Variants in GRIK4 observed in about 807,000 individuals in gnomAD.
The protein encoded by GRIK4 is glutamate ionotropic receptor kainate type subunit 4, also known as glutamate receptor ionotropic, kainate 4.
Under a neutral mutation model 104.9 loss-of-function variants are expected in GRIK4, and 40 were observed. That is an observed-to-expected ratio of 0.38 (90% CI 0.30 to 0.50). GRIK4 has a LOEUF of 0.50. Ranked by LOEUF, GRIK4 falls within the 20% of genes least tolerant of loss-of-function variation. GRIK4 has a pLI of 0.93. For missense variants in GRIK4, 1,047 were observed against 1,308.1 expected (o/e 0.80, Z 3.08); for synonymous variants, 485 against 524.9 (o/e 0.92, Z 1.04).
rs17124518 is a variant in GRIK4 at position 120,902,785 on chromosome 11, G to A, written c.1273-2505G>A. Among the ~76,000 whole-genome samples the A allele has an allele frequency of 0.017, 2,519 of 152,290 alleles. 80 individuals carry two copies. The highest frequency in any genetic ancestry group is 0.057 in the African/African-American group (2,375 of 41,530). On this transcript the variant is annotated intron_variant, in intron 12 of 20. Transcript: ENST00000527524. The surrounding 1 kb of genome is among the most constrained non-coding windows in gnomAD (Gnocchi z 4.5). ...GAGGCAGTGTGACTCTGCGGACAAA[G>A]ATGACTAGGTGAGGTGGAAGATGGG... is the stretch of plus-strand genomic sequence containing the variant.
At chr11:120,633,342 G>T (rs762378761) in intron 1 of GRIK4, among the ~76,000 whole-genome samples, 2 of 152,196 alleles carry the variant, frequency 1.3e-5, no homozygotes, top group Non-Finnish European at 2.9e-5. Flanking sequence ...AGGCCTTCTC[G>T]ATGGGGAGCG....
intron 3 of GRIK4, among the ~76,000 whole-genome samples, chr11:120,757,443 T>C (rs995702755): frequency 1.3e-5 from 2 of 152,036 alleles, no homozygotes; most frequent in African/African-American, 4.8e-5. Context: ...TGTCACACGG[T>C]GGGGTTGGGA....
chr11:120,896,978 A>T (rs1942599520), intron 11 of GRIK4, among the ~76,000 whole-genome samples: 1 of 152,152 alleles, frequency 6.6e-6, no homozygotes, highest in Non-Finnish European at 1.5e-5. Context: ...ATATATTGGG[A>T]TTTTATGTAT....
chr11:120,749,330 C>G (rs749242726), intron 3 of GRIK4, among the ~76,000 whole-genome samples: 25 of 152,200 alleles, frequency 1.6e-4, no homozygotes, highest in Non-Finnish European at 2.9e-4. Flanking sequence ...AAGCCCCCTC[C>G]TCTCTTCTGT....
chr11:120,744,216 G>A (rs1292989642), intron 3 of GRIK4, among the ~76,000 whole-genome samples: 2 of 152,186 alleles, frequency 1.3e-5, no homozygotes, highest in African/African-American at 4.8e-5. Context: ...GCTGTTGGGT[G>A]TCTGTTAAAG....
At chr11:120,579,260 G>C (rs1039734680) in intron 1 of GRIK4, among the ~76,000 whole-genome samples, 5 of 152,170 alleles carry the variant, frequency 3.3e-5, no homozygotes, top group Non-Finnish European at 5.9e-5. Context: ...TGAGGCGTGG[G>C]GGTGCGGAAT....
intron 3 of GRIK4, among the ~76,000 whole-genome samples, chr11:120,750,649 G>T (rs3132781): frequency 3.3e-5 from 5 of 152,048 alleles, no homozygotes; most frequent in Non-Finnish European, 7.4e-5. Context: ...GATTACAGGC[G>T]TGAGCTGCCA....
At chr11:120,894,916 A>T (rs1198010999) in intron 11 of GRIK4, 2 of 129,508 alleles carry the variant, frequency 1.5e-5, no homozygotes, top group Non-Finnish European at 3.1e-5. Context: ...CTGCAATTAG[A>T]TTGCACTGGG....
At chr11:120,660,508 T>C in intron 3 of GRIK4, 108 bp downstream of exon 3, 1 of 792,450 alleles carries the variant, frequency 1.3e-6, no homozygotes, top group Non-Finnish European at 2.1e-6. Context: ...GCCCGTGCAC[T>C]GTGCCCTCCC....
At chr11:120,840,480 T>C (rs1757985972) in intron 8 of GRIK4, among the ~76,000 whole-genome samples, 1 of 151,948 alleles carries the variant, frequency 6.6e-6, no homozygotes, top group African/African-American at 2.4e-5. Flanking sequence ...CTGGTTAAGG[T>C]GGGAGCTCTG....
intron 4 of GRIK4, among the ~76,000 whole-genome samples, chr11:120,808,280 G>A (rs1292475433): frequency 6.6e-6 from 1 of 152,178 alleles, no homozygotes; most frequent in Non-Finnish European, 1.5e-5. Context: ...GCCCTCCTCT[G>A]TAAAATGGGA....
intron 3 of GRIK4, among the ~76,000 whole-genome samples, chr11:120,667,201 C>G (rs1017615471): frequency 5.3e-5 from 8 of 152,224 alleles, no homozygotes; most frequent in Admixed American, 5.2e-4. Context: ...TCATTGTGTC[C>G]TCATTAATAA....
At chr11:120,890,504 A>G (rs756375743) in intron 11 of GRIK4, among the ~76,000 whole-genome samples, 20 of 152,202 alleles carry the variant, frequency 1.3e-4, no homozygotes, top group Non-Finnish European at 2.2e-4. Flanking sequence ...CTTAAGGTCA[A>G]GACAAGATAC....
Position 120,678,101 on chromosome 11 carries a change from AC to A in GRIK4, c.82+17705del, listed in dbSNP as rs566394095. On this transcript the variant is annotated intron_variant, in intron 3 of 20. Coordinates refer to ENST00000527524, the MANE Select transcript of GRIK4 (RefSeq NM_014619.5). ...CCCTGCTGTGCTCCCCTCTGCAGAGACCCCGAGGCCTCTGGGCAGTGCCTGT... is the reference window on the plus strand; with the variant it reads ...CCCTGCTGTGCTCCCCTCTGCAGAGACCCGAGGCCTCTGGGCAGTGCCTGT... 1.7e-3 allele frequency among the ~76,000 whole-genome samples: 258 copies of A among 152,202 alleles called. 1 individual carries two copies. The Middle Eastern group carries it at 0.02, about 12-fold the overall frequency.
intron 5 of GRIK4, among the ~76,000 whole-genome samples, 160 bp downstream of exon 5, chr11:120,815,635 C>G (rs1952936837): frequency 6.6e-6 from 1 of 152,056 alleles, no homozygotes; most frequent in Admixed American, 6.5e-5. Flanking sequence ...GTGGGCTTGC[C>G]CTGCTCCAGG....
chr11:120,575,765 A>G (rs1261121549), intron 1 of GRIK4: 1 of 152,086 alleles, frequency 6.6e-6, no homozygotes, highest in African/African-American at 2.4e-5. Flanking sequence ...AGCAGCAGAA[A>G]GCCCCCTGGT....
intron 3 of GRIK4, among the ~76,000 whole-genome samples, chr11:120,756,389 G>A (rs1951652086): frequency 6.6e-6 from 1 of 152,122 alleles, no homozygotes; most frequent in South Asian, 2.1e-4. Context: ...TTCTGATGGG[G>A]GTAAAATGTT....
chr11:120,568,042 G>C (rs1002231443), intron 1 of GRIK4, among the ~76,000 whole-genome samples: 9 of 152,188 alleles, frequency 5.9e-5, no homozygotes, highest in Non-Finnish European at 1.3e-4. Flanking sequence ...GCTGGGCATG[G>C]TGGTGCCTGC....
At chr11:120,962,818 C>T in intron 18 of GRIK4, 137 bp downstream of exon 18, 5 of 455,884 alleles carry the variant, frequency 1.1e-5, no homozygotes, top group Admixed American at 4.9e-5. Context: ...CGTGGGCATT[C>T]TAAAGTTTTT....
Sources: gnomAD v4.1 joint callset for allele counts (sites outside exome capture counted in the v4.1 genomes callset) on GRCh38, gnomAD v4.1.1 for gene constraint, Gnocchi (gnomAD v3.1) non-coding constraint, MANE v1.5 for transcripts, NCBI Gene and HGNC (gene_info 2026-07-23, HGNC 2026-07-21) for gene names.